The following CCR5AS variants were observed in gnomAD, a reference collection of about 807,000 sequenced individuals.
CCR5AS encodes the protein CCR5 antisense RNA.
chr3:46,391,693 G>T (rs1338913274), intron 2 of CCR5AS, among the ~76,000 whole-genome samples: 2 of 152,210 alleles, frequency 1.3e-5, no homozygotes, highest in Admixed American at 1.3e-4. Context: ...TTGGGCCGGT[G>T]GGGGAGGGCT....
At position 46,365,622 on chromosome 3, in the gene CCR5AS, T is replaced by C. The variant is rs533795703; in HGVS notation, n.566-577A>G. 1.6e-4 allele frequency among the ~76,000 whole-genome samples: 25 copies of C among 152,314 alleles called. No homozygotes were observed. In the East Asian group the frequency reaches 4.4e-3, roughly 27 times the overall value. ...AACTGGCCACTGCCACAGTCCACTC[T>C]GTGTTGGTCAAGATGCCCCAGAGTG... On this transcript the variant is annotated intron_variant and non_coding_transcript_variant, in intron 3 of 3. Coordinates refer to ENST00000451485, the Ensembl canonical transcript of CCR5AS.
At chr3:46,381,327 A>G (rs865807824) in intron 2 of CCR5AS, among the ~76,000 whole-genome samples, 1 of 152,186 alleles carries the variant, frequency 6.6e-6, no homozygotes, top group South Asian at 2.1e-4. Context: ...AACTCTTTCC[A>G]TGAAAGCATT....
chr3:46,397,385 A>G (rs1291433481), intron 1 of CCR5AS, among the ~76,000 whole-genome samples: 6 of 152,248 alleles, frequency 3.9e-5, no homozygotes, highest in South Asian at 2.1e-4. Context: ...GGAGCTTGGC[A>G]GAAGCCAAAC....
At chr3:46,366,481 G>A (rs1168000859) in intron 3 of CCR5AS, among the ~76,000 whole-genome samples, 1 of 152,220 alleles carries the variant, frequency 6.6e-6, no homozygotes, top group Non-Finnish European at 1.5e-5. Flanking sequence ...TAAATGCATA[G>A]AGAAGACTTC....
intron 2 of CCR5AS, chr3:46,372,945 TA>T (rs1559567779): frequency 6.2e-7 from 1 of 1,609,090 alleles, no homozygotes; most frequent in Non-Finnish European, 8.5e-7. Flanking sequence ...CATCAATTAT[TA>T]TACATCGGAG....
At chr3:46,390,964 G>C (rs1701906548) in intron 2 of CCR5AS, among the ~76,000 whole-genome samples, 1 of 152,232 alleles carries the variant, frequency 6.6e-6, no homozygotes, top group African/African-American at 2.4e-5. Context: ...TCCACTGTAA[G>C]AGTTACCCAA....
intron 3 of CCR5AS, among the ~76,000 whole-genome samples, chr3:46,366,968 A>AGAAGAGCCCGACTGTCTACTGAACAACGG (rs1701605825): frequency 6.6e-6 from 1 of 152,184 alleles, no homozygotes; most frequent in Admixed American, 6.5e-5. Flanking sequence ...TGAACAACCG[A>AGAAGAGCCCGACTGTCTACTGAACAACGG]GAAGAGCCCG....
intron 2 of CCR5AS, among the ~76,000 whole-genome samples, chr3:46,389,919 T>A (rs867500085): frequency 1.6e-4 from 25 of 152,164 alleles, no homozygotes; most frequent in Middle Eastern, 6.8e-3. Context: ...AGATAGGTAA[T>A]GCTAGGGGAA....
rs142827908 is a variant in CCR5AS, at chr3:46,391,858, G to T, written n.391+967C>A. On this transcript the variant is annotated intron_variant and non_coding_transcript_variant, in intron 2 of 3. Transcript: ENST00000451485. Reference sequence around the variant, plus strand: ...AGGAGGGGAGAAATCAGATGGGTCCGTAGAAAAGGAGGATTCAAAGGACTC... The same window carrying T: ...AGGAGGGGAGAAATCAGATGGGTCCTTAGAAAAGGAGGATTCAAAGGACTC... Among the ~76,000 whole-genome samples the T allele has an allele frequency of 1.1e-4, 16 of 152,214 alleles. No individual in the cohort carries two copies. The East Asian group carries it at 3.1e-3, about 29-fold the overall frequency.
chr3:46,390,669 G>T (rs144190817), intron 2 of CCR5AS, among the ~76,000 whole-genome samples: 142 of 152,272 alleles, frequency 9.3e-4, no homozygotes, highest in Non-Finnish European at 1.8e-3. Context: ...TTGGGTAAAA[G>T]TGCAGCAAAG....
At chr3:46,385,688 C>T (rs1227484997) in intron 2 of CCR5AS, among the ~76,000 whole-genome samples, 1 of 152,140 alleles carries the variant, frequency 6.6e-6, no homozygotes, top group Non-Finnish European at 1.5e-5. Flanking sequence ...GCGCAACTCT[C>T]TCTCTCTTGA....
intron 2 of CCR5AS, among the ~76,000 whole-genome samples, chr3:46,387,285 C>A (rs1438339092): frequency 6.6e-6 from 1 of 152,188 alleles, no homozygotes; most frequent in Admixed American, 6.5e-5. Context: ...AGGAAGATGT[C>A]CCATCACAGA....
rs559723536 is a variant in CCR5AS, at chr3:46,385,985, C to T, written n.391+6840G>A. 1.1e-3 allele frequency among the ~76,000 whole-genome samples: 169 copies of T among 152,204 alleles called. 1 individual carries two copies. Among genetic ancestry groups the T allele is most frequent in the African/African-American group, 3.9e-3 (164 of 41,538 alleles). ...GAGACAGGGTCTCACTTTGTTGGCTCGCTGCAACCTCTGCCTCCCAGGCTC... is the reference window on the plus strand; with the variant it reads ...GAGACAGGGTCTCACTTTGTTGGCTTGCTGCAACCTCTGCCTCCCAGGCTC... On this transcript the variant is annotated intron_variant and non_coding_transcript_variant, in intron 2 of 3. Coordinates refer to ENST00000451485, the Ensembl canonical transcript of CCR5AS.
At chr3:46,366,028 T>C (rs1414609899) in intron 3 of CCR5AS, among the ~76,000 whole-genome samples, 1 of 152,184 alleles carries the variant, frequency 6.6e-6, no homozygotes, top group Non-Finnish European at 1.5e-5. Flanking sequence ...TTCTTTGGCT[T>C]TGAGGAGAGA....
At chr3:46,373,751 G>T in intron 2 of CCR5AS, 2 of 1,613,744 alleles carry the variant, frequency 1.2e-6, no homozygotes, top group East Asian at 2.2e-5. Flanking sequence ...AGGTGACAGA[G>T]ACTCTTGGGA....
chr3:46,401,681 C>A (rs1373160940), intron 1 of CCR5AS, among the ~76,000 whole-genome samples: 1 of 152,036 alleles, frequency 6.6e-6, no homozygotes, highest in Non-Finnish European at 1.5e-5. Flanking sequence ...AGCAGCTGGG[C>A]CCCTCAGTCA....
At chr3:46,393,670 G>A (rs113255842) in intron 1 of CCR5AS, among the ~76,000 whole-genome samples, 19,904 of 152,182 alleles carry the variant, frequency 0.13, 1,470 homozygotes, top group Non-Finnish European at 0.15. Context: ...TTGTATTCAA[G>A]GAATGAGGTA....
chr3:46,403,395 C>T (rs1246107905), intron 1 of CCR5AS, among the ~76,000 whole-genome samples: 1 of 152,130 alleles, frequency 6.6e-6, no homozygotes, highest in Non-Finnish European at 1.5e-5. Flanking sequence ...TATCAATCAG[C>T]ATACAGTCAA....
Position 46,374,030 on chromosome 3 carries a change from G to T in CCR5AS, n.392-2613C>A. 2 of 1,192,642 alleles carry T rather than the reference G, an allele frequency of 1.7e-6. 1 individual carries two copies. The highest frequency in any genetic ancestry group is 4.6e-5 in the Admixed American group (2 of 43,476). 73.9% of individuals were successfully genotyped at this position (1,192,642 alleles called of 1,614,324 possible). ...TGGCTTAGTTTTCATACACAGCCTGGGCTGGGGGTGGGGTGGGAGAGGTCT... is the reference window on the plus strand; with the variant it reads ...TGGCTTAGTTTTCATACACAGCCTGTGCTGGGGGTGGGGTGGGAGAGGTCT... On this transcript the variant is annotated intron_variant and non_coding_transcript_variant, in intron 2 of 3. Coordinates refer to ENST00000451485, the Ensembl canonical transcript of CCR5AS.
Sources: allele counts gnomAD v4.1 joint callset (sites outside exome capture counted in the v4.1 genomes callset), GRCh38; gene constraint gnomAD v4.1.1; transcripts MANE v1.5; gene names NCBI Gene and HGNC (gene_info 2026-07-23, HGNC 2026-07-21).